The following SMAP1 variants were observed in gnomAD, a reference collection of about 807,000 sequenced individuals.
The protein encoded by SMAP1 is stromal membrane-associated protein 1.
A neutral mutation model predicts 58.5 loss-of-function variants in SMAP1; 24 were observed. That is an observed-to-expected ratio of 0.41 (90% confidence interval 0.30 to 0.58). The LOEUF (loss-of-function observed/expected upper bound fraction) is 0.58, where lower values mean the gene tolerates loss of function less well. SMAP1 is among the 20% of genes least tolerant of loss of function. The pLI is 0.29. For missense variants in SMAP1, 563 were observed against 566.3 expected (o/e 0.99, Z 0.06); for synonymous variants, 216 against 196.6 (o/e 1.10, Z -0.82).
chr6:70,858,059 ATGG>A lies in SMAP1; in HGVS notation c.1103_1105del (p.Val368del). 1 of 1,614,096 alleles carries A rather than the reference ATGG, an allele frequency of 6.2e-7. No homozygotes were observed. The highest frequency in any genetic ancestry group is 8.5e-7 in the Non-Finnish European group (1 of 1,179,992). On this transcript the variant is annotated inframe_deletion, in exon 10 of 11. Transcript: ENST00000370455. Reference sequence around the variant, plus strand: ...TGTGATGGGACAGAGTCCAAGCATGATGGTGGGCATGCCCATGCCCAATGGGTT... The same window carrying A: ...TGTGATGGGACAGAGTCCAAGCATGATGGGCATGCCCATGCCCAATGGGTT...
chr6:70,753,290 A>G (rs1257227944), intron 2 of SMAP1, among the ~76,000 whole-genome samples: 2 of 152,138 alleles, frequency 1.3e-5, no homozygotes, highest in African/African-American at 4.8e-5. Context: ...TTTAATCTTA[A>G]CTTTTCTGTT....
At position 70,860,524 on chromosome 6, in the gene SMAP1, A is replaced by G. The variant is rs1771672535; in HGVS notation, c.*190A>G. On this transcript the variant is annotated 3_prime_UTR_variant, in exon 11 of 11. Coordinates refer to ENST00000370455, the MANE Select transcript of SMAP1 (RefSeq NM_001044305.3). ...GTGGTGAAAAGCAGGTTGATAAATC[A>G]TTTTATGTCAAGGGCAGCTTTGCTC... is the stretch of plus-strand genomic sequence containing the variant. 3.7e-6 allele frequency: 2 copies of G among 535,970 alleles called. No individual in the cohort carries two copies. The highest frequency in any genetic ancestry group is 5.9e-6 in the Non-Finnish European group (2 of 341,160). The allele number at this position is 535,970 out of a possible 1,614,324, so 33.2% of individuals were successfully genotyped here.
intron 2 of SMAP1, among the ~76,000 whole-genome samples, chr6:70,735,820 T>C (rs1034706123): frequency 6.6e-6 from 1 of 152,246 alleles, no homozygotes; most frequent in African/African-American, 2.4e-5. Flanking sequence ...GAAATACTTT[T>C]ACTGTACATA....
chr6:70,742,321 A>C (rs1481333244), intron 2 of SMAP1, among the ~76,000 whole-genome samples: 1 of 152,184 alleles, frequency 6.6e-6, no homozygotes, highest in East Asian at 1.9e-4. Flanking sequence ...TTTGCTGCTT[A>C]GGCATTTCTT....
chr6:70,852,676 G>T lies in SMAP1; in HGVS notation c.789+12G>T. The T allele has an allele frequency of 1.3e-6, 2 of 1,568,532 alleles. No homozygotes were observed. The highest frequency in any genetic ancestry group is 1.7e-6 in the Non-Finnish European group (2 of 1,161,016). Reference sequence around the variant, plus strand: ...TGCCCCCAGCTCAGGTATGTGATAAGAATATGGTTTTATATGGTCACTGCT... The same window carrying T: ...TGCCCCCAGCTCAGGTATGTGATAATAATATGGTTTTATATGGTCACTGCT... On this transcript the variant is annotated intron_variant, in intron 8 of 10. Transcript: ENST00000370455.
Position 70,771,132 on chromosome 6 carries a change from G to A in SMAP1, c.339-2218G>A, listed in dbSNP as rs547308742. Reference sequence around the variant, plus strand: ...GAAGTTTTGTCTCAGAGGAGTACCCGGCCGTGTGAAGTGACAGTCTGCCCC... The same window carrying A: ...GAAGTTTTGTCTCAGAGGAGTACCCAGCCGTGTGAAGTGACAGTCTGCCCC... On this transcript the variant is annotated intron_variant, in intron 3 of 10. Coordinates refer to ENST00000370455, the MANE Select transcript of SMAP1 (RefSeq NM_001044305.3). Among the ~76,000 whole-genome samples the A allele has an allele frequency of 2.6e-5, 4 of 152,258 alleles. No homozygotes were observed. The South Asian group carries it at 6.2e-4, about 24-fold the overall frequency.
chr6:70,838,028 CTG>C (rs1285435162), intron 7 of SMAP1: 4 of 749,546 alleles, frequency 5.3e-6, no homozygotes, highest in Non-Finnish European at 6.5e-6. Context: ...TAAAAAATAA[CTG>C]TAATTTTGAA....
intron 5 of SMAP1, among the ~76,000 whole-genome samples, chr6:70,794,173 A>T (rs992571656): frequency 6.6e-6 from 1 of 152,212 alleles, no homozygotes; most frequent in Non-Finnish European, 1.5e-5. Context: ...ACTTGTGCAT[A>T]TAGCCACCAG....
At chr6:70,687,930 C>T (rs1343682256) in intron 1 of SMAP1, among the ~76,000 whole-genome samples, 1 of 152,142 alleles carries the variant, frequency 6.6e-6, no homozygotes, top group African/African-American at 2.4e-5. Context: ...TTGTGTTGCC[C>T]TCTTAAAACC....
At chr6:70,820,924 T>G (rs1769861321) in intron 6 of SMAP1, among the ~76,000 whole-genome samples, 1 of 152,106 alleles carries the variant, frequency 6.6e-6, no homozygotes, top group Non-Finnish European at 1.5e-5. Flanking sequence ...ATAAACTAAT[T>G]AATACAAACA....
intron 4 of SMAP1, among the ~76,000 whole-genome samples, chr6:70,791,441 A>G (rs1379621060): frequency 6.6e-6 from 1 of 152,134 alleles, no homozygotes; most frequent in African/African-American, 2.4e-5. Flanking sequence ...CTACATTTTA[A>G]ATTTTATATC....
intron 7 of SMAP1, among the ~76,000 whole-genome samples, chr6:70,847,967 G>A (rs1771054175): frequency 6.6e-6 from 1 of 152,032 alleles, no homozygotes; most frequent in South Asian, 2.1e-4. Context: ...TGATTTAAAT[G>A]TTTTTCTCAC....
At chr6:70,725,063 G>A (rs1475899376) in intron 1 of SMAP1, among the ~76,000 whole-genome samples, 1 of 118,548 alleles carries the variant, frequency 8.4e-6, no homozygotes, top group African/African-American at 3.2e-5. Flanking sequence ...CTGTGTATTT[G>A]CTCAGACTCC....
At chr6:70,725,250 G>A (rs1252472034) in intron 1 of SMAP1, among the ~76,000 whole-genome samples, 1 of 151,574 alleles carries the variant, frequency 6.6e-6, no homozygotes, top group Admixed American at 6.6e-5. Context: ...CCGAGTAGCT[G>A]GGACTACAGG....
chr6:70,771,417 C>A lies in SMAP1; in HGVS notation c.339-1933C>A, dbSNP rs186685345. ...GGTGGGCTCCACCCAGTTGGAGCTT[C>A]CAGGCTGCTTTGTTTACCTAGGCAA... On this transcript the variant is annotated intron_variant, in intron 3 of 10. Transcript: ENST00000370455. Among the ~76,000 whole-genome samples the A allele has an allele frequency of 5.6e-3, 859 of 152,350 alleles. 3 individuals are homozygous for A. The highest frequency in any genetic ancestry group is 8.5e-3 in the Non-Finnish European group (577 of 68,032).
At chr6:70,819,327 T>TG (rs1769784238) in intron 6 of SMAP1, among the ~76,000 whole-genome samples, 2 of 112,260 alleles carry the variant, frequency 1.8e-5, no homozygotes, top group South Asian at 3.1e-4. Context: ...GATGTAAGGG[T>TG]GAAAAAAAAA....
At chr6:70,805,670 C>G (rs1483282951) in intron 6 of SMAP1, among the ~76,000 whole-genome samples, 1 of 152,104 alleles carries the variant, frequency 6.6e-6, no homozygotes, top group African/African-American at 2.4e-5. Flanking sequence ...TGTTGGTGAC[C>G]TACAGATGGG....
At chr6:70,798,808 TTC>T in intron 6 of SMAP1, 71 bp downstream of exon 6, 1 of 1,159,266 alleles carries the variant, frequency 8.6e-7, no homozygotes, top group South Asian at 1.7e-5. Context: ...ATTAATGACT[TTC>T]TGGATATTTA....
intron 4 of SMAP1, among the ~76,000 whole-genome samples, chr6:70,786,833 C>T: frequency 6.6e-6 from 1 of 152,206 alleles, no homozygotes; most frequent in Non-Finnish European, 1.5e-5. Context: ...ATTCCATGCT[C>T]ATGGACAGGA....
Sources: allele counts gnomAD v4.1 joint callset (sites outside exome capture counted in the v4.1 genomes callset), GRCh38; gene constraint gnomAD v4.1.1; transcripts MANE v1.5; gene names NCBI Gene and HGNC (gene_info 2026-07-23, HGNC 2026-07-21).